TTLL11: variants seen among roughly 807,000 people sequenced by gnomAD.
TTLL11 encodes the protein tubulin polyglutamylase TTLL11.
Under a neutral mutation model 51.7 loss-of-function variants are expected in TTLL11, and 42 were observed. The ratio of observed to expected loss-of-function variants is 0.81; its 90% CI spans 0.64 to 1.05. The LOEUF (loss-of-function observed/expected upper bound fraction) is 1.05, where lower values mean the gene tolerates loss of function less well. Among genes scored for constraint, TTLL11 ranks in the 50% least tolerant of loss-of-function variants. TTLL11 has a pLI of 0.00. For missense variants in TTLL11, 799 were observed against 940.4 expected, an observed-to-expected ratio of 0.85 and a Z score of 1.97; for synonymous variants, 381 against 383.5, an observed-to-expected ratio of 0.99 and a Z score of 0.08.
At chr9:122,033,202 T>C (rs1287862716) in intron 2 of TTLL11, among the ~76,000 whole-genome samples, 1 of 152,138 alleles carries the variant, frequency 6.6e-6, no homozygotes, top group Admixed American at 6.5e-5. Flanking sequence ...AACCGCCGCC[T>C]CCTAGGTTCA....
chr9:122,051,638 CTCTG>C (rs1353597277), intron 1 of TTLL11, among the ~76,000 whole-genome samples: 5 of 152,180 alleles, frequency 3.3e-5, no homozygotes, highest in Non-Finnish European at 7.3e-5. Flanking sequence ...CTTTCTCTCT[CTCTG>C]TGTCTCTCTC....
chr9:121,884,743 G>C (rs935969996), intron 6 of TTLL11: 9 of 152,166 alleles, frequency 5.9e-5, no homozygotes, highest in Non-Finnish European at 1.2e-4. Flanking sequence ...TAATTTCTCA[G>C]CTATGACACA....
intron 6 of TTLL11, among the ~76,000 whole-genome samples, chr9:121,956,727 G>A (rs1320879049): frequency 2.0e-5 from 3 of 152,252 alleles, no homozygotes; most frequent in African/African-American, 4.8e-5. Flanking sequence ...ACCTGGACCA[G>A]CAGCATCTGT....
At chr9:121,852,555 G>T (rs78404295) in intron 8 of TTLL11, among the ~76,000 whole-genome samples, 2,230 of 152,188 alleles carry the variant, frequency 0.015, 38 homozygotes, top group African/African-American at 0.051. Flanking sequence ...GTCTGTTTTT[G>T]GGGGGTGGGG....
intron 6 of TTLL11, among the ~76,000 whole-genome samples, chr9:121,919,297 T>C (rs1840441388): frequency 6.6e-6 from 1 of 152,172 alleles, no homozygotes; most frequent in African/African-American, 2.4e-5. Flanking sequence ...CCCTTTCAAA[T>C]ACTTGAGAAT....
chr9:121,950,098 T>A (rs1489483966), intron 6 of TTLL11, among the ~76,000 whole-genome samples: 1 of 152,164 alleles, frequency 6.6e-6, no homozygotes, highest in East Asian at 1.9e-4. Context: ...CAGGTCACGT[T>A]CTTGCTCCTG....
At chr9:121,886,444 AGAG>A (rs1217212748) in intron 6 of TTLL11, among the ~76,000 whole-genome samples, 2 of 152,204 alleles carry the variant, frequency 1.3e-5, no homozygotes, top group African/African-American at 2.4e-5. Flanking sequence ...AGACATACAC[AGAG>A]GAGAAGGCCA....
chr9:122,036,384 T>C (rs1410158697), intron 2 of TTLL11, among the ~76,000 whole-genome samples: 1 of 151,934 alleles, frequency 6.6e-6, no homozygotes, highest in Admixed American at 6.5e-5. Context: ...AACCTGAGAA[T>C]GGACAGTTTT....
intron 6 of TTLL11, among the ~76,000 whole-genome samples, chr9:121,931,510 AG>A (rs756635220): frequency 4.0e-5 from 6 of 151,412 alleles, no homozygotes; most frequent in Middle Eastern, 3.4e-3. Context: ...TGGGAAGCCA[AG>A]GCAGGTGGAT....
chr9:121,826,557 G>GTGTATGTGTATATATATATATA (rs1189626793), intron 8 of TTLL11, among the ~76,000 whole-genome samples: 1 of 51,346 alleles, frequency 1.9e-5, no homozygotes, highest in African/African-American at 7.1e-5. Flanking sequence ...ATATGTGTGT[G>GTGTATGTGTATATATATATATA]TATATATATA....
At chr9:122,012,887 C>G (rs1843854698) in intron 3 of TTLL11, among the ~76,000 whole-genome samples, 1 of 152,200 alleles carries the variant, frequency 6.6e-6, no homozygotes, top group Admixed American at 6.5e-5. Flanking sequence ...TTTGTCTAAG[C>G]ATTCTTAGCT....
intron 6 of TTLL11, among the ~76,000 whole-genome samples, chr9:121,902,980 A>G (rs1296973572): frequency 6.6e-6 from 1 of 152,132 alleles, no homozygotes; most frequent in African/African-American, 2.4e-5. Context: ...TGGGACTCTT[A>G]TCTCAAATGA....
rs533762468 is a variant in TTLL11, at chr9:121,853,529, G to T, written c.1840+6808C>A. On this transcript the variant is annotated intron_variant, in intron 8 of 8. Coordinates refer to ENST00000321582, the MANE Select transcript of TTLL11 (RefSeq NM_001139442.2). This position sits in a 1 kb window ranked among gnomAD's most constrained non-coding sequence, Gnocchi z 5.6. ...TGAGTGTGAGGCTAGTGATGAGTGG[G>T]GATGCAGAGTGGACAGGGGTCCAGC... Among the ~76,000 whole-genome samples, 61 of 152,198 alleles carry T rather than the reference G, an allele frequency of 4.0e-4. No individual in the cohort carries two copies. Among genetic ancestry groups the T allele is most frequent in the African/African-American group, 1.4e-3 (60 of 41,522 alleles).
chr9:122,008,190 A>G (rs1348153940), intron 3 of TTLL11, among the ~76,000 whole-genome samples: 2 of 152,234 alleles, frequency 1.3e-5, no homozygotes, highest in African/African-American at 2.4e-5. Context: ...CTAAAAAGAC[A>G]CAACAACCAA....
At chr9:122,038,868 A>G (rs544449426) in intron 2 of TTLL11, among the ~76,000 whole-genome samples, 17 of 152,290 alleles carry the variant, frequency 1.1e-4, no homozygotes, top group Middle Eastern at 3.4e-3. Context: ...GGTTTTAAAA[A>G]TGGTACCTCC....
chr9:121,839,248 TGCTAGG>T (rs1837282259), intron 8 of TTLL11, among the ~76,000 whole-genome samples: 1 of 152,242 alleles, frequency 6.6e-6, no homozygotes, highest in South Asian at 2.1e-4. Flanking sequence ...ATGTCAGCAG[TGCTAGG>T]GCTTGGGTGT....
chr9:121,967,264 G>A (rs13285003), intron 6 of TTLL11, among the ~76,000 whole-genome samples: 22,198 of 126,086 alleles, frequency 0.18, 1,839 homozygotes, highest in Admixed American at 0.21. Flanking sequence ...TTGCTCTGTC[G>A]CCCAGGCTGG....
chr9:121,975,027 G>A (rs1842667525), intron 4 of TTLL11, 48 bp from the exon 5 acceptor site: 1 of 1,304,560 alleles, frequency 7.7e-7, no homozygotes, highest in African/African-American at 1.6e-5. Context: ...ATTGAGTATG[G>A]TATTAGGGTC....
rs71509582 is a variant in TTLL11 at position 121,816,450 on chromosome 9, C to T, written c.*6137G>A. ...CAAAGAGCCCTCTCCACTCCGCTCTCTAAATAACACTCGGAAGCCAATCAC... is the reference window on the plus strand; with the variant it reads ...CAAAGAGCCCTCTCCACTCCGCTCTTTAAATAACACTCGGAAGCCAATCAC... On this transcript the variant is annotated 3_prime_UTR_variant, in exon 9 of 9. Transcript: ENST00000321582. 7 of 152,244 alleles carry T rather than the reference C, an allele frequency of 4.6e-5. No homozygotes were observed. Among genetic ancestry groups the T allele is most frequent in the African/African-American group, 1.7e-4 (7 of 41,462 alleles). 9.4% of individuals were successfully genotyped at this position (152,244 alleles called of 1,614,324 possible). A position where few individuals can be genotyped will look rare whatever the true frequency, so the allele number is the denominator to read the frequency against.
Sources: gnomAD v4.1 joint callset for allele counts (sites outside exome capture counted in the v4.1 genomes callset) on GRCh38, gnomAD v4.1.1 for gene constraint, Gnocchi (gnomAD v3.1) non-coding constraint, MANE v1.5 for transcripts, NCBI Gene and HGNC (gene_info 2026-07-23, HGNC 2026-07-21) for gene names.